The following COPB1 variants were observed in gnomAD, a reference collection of about 807,000 sequenced individuals.
The protein encoded by COPB1 is coatomer subunit beta.
Under a neutral mutation model 108.7 loss-of-function variants are expected in COPB1, and 21 were observed. The ratio of observed to expected loss-of-function variants is 0.19; its 90% confidence interval spans 0.14 to 0.28. The LOEUF is 0.28. COPB1 is among the 10% of genes least tolerant of loss of function. The pLI is 1.00. For missense variants in COPB1, 919 were observed against 1,141.3 expected, an observed-to-expected ratio of 0.81 and a Z score of 2.81; for synonymous variants, 378 against 386.8, an observed-to-expected ratio of 0.98 and a Z score of 0.27.
chr11:14,479,456 C>T, intron 11 of COPB1, 113 bp downstream of exon 11: 1 of 978,964 alleles, frequency 1.0e-6, no homozygotes. Context: ...ACAAACTTGT[C>T]TTATTTTGGC....
At chr11:14,465,906 CAT>C (rs1456464113) in intron 17 of COPB1, among the ~76,000 whole-genome samples, 5 of 152,164 alleles carry the variant, frequency 3.3e-5, no homozygotes, top group Admixed American at 6.5e-5. Context: ...ACTTTGGTCA[CAT>C]GTGGTATCTA....
chr11:14,464,513 A>T (rs1850235134), intron 18 of COPB1, among the ~76,000 whole-genome samples: 1 of 152,124 alleles, frequency 6.6e-6, no homozygotes, highest in South Asian at 2.1e-4. Context: ...GGTCTGAGAT[A>T]CCCTTGTGCA....
At chr11:14,481,258 T>C (rs1478992244) in intron 8 of COPB1, among the ~76,000 whole-genome samples, 161 bp from the exon 9 acceptor site, 1 of 152,228 alleles carries the variant, frequency 6.6e-6, no homozygotes, top group Non-Finnish European at 1.5e-5. Context: ...GGTCTCCTGA[T>C]ACACTGCAAT....
chr11:14,471,684 G>A (rs1005110305), intron 14 of COPB1, among the ~76,000 whole-genome samples: 1 of 152,152 alleles, frequency 6.6e-6, no homozygotes, highest in Non-Finnish European at 1.5e-5. Context: ...TTGGGAGGCC[G>A]AGGTGGGCGG....
In COPB1 at chr11:14,493,719, T is replaced by A; in HGVS notation, c.414A>T (p.Pro138=). ...GATGCTCCAAACATGCACGAATAGC[T>A]GGCATTAAAGGTTCTAGCAATTCTG... ...KEAELLEPLM[P]AIRACLEHRH... is the part of the protein sequence containing the mutation. Residue 138 remains proline, a synonymous_variant, in exon 4 of 22, where the codon CCA becomes CCT. Coordinates refer to ENST00000439561, the MANE Select transcript of COPB1 (RefSeq NM_001144061.2). The A allele has an allele frequency of 6.2e-7, 1 of 1,613,970 alleles. No homozygotes were observed. The highest frequency in any genetic ancestry group is 8.5e-7 in the Non-Finnish European group (1 of 1,179,932).
At chr11:14,482,978 C>A in intron 8 of COPB1, 54 bp downstream of exon 8, 1 of 1,452,674 alleles carries the variant, frequency 6.9e-7, no homozygotes, top group East Asian at 2.3e-5. Flanking sequence ...TTGAGAATGA[C>A]CTAAATTTGA....
intron 14 of COPB1, 114 bp downstream of exon 14, chr11:14,474,381 T>C: frequency 1.1e-6 from 1 of 907,634 alleles, no homozygotes; most frequent in Non-Finnish European, 1.6e-6. Context: ...TATTAAATCA[T>C]AAACTCTTTC....
chr11:14,495,004 T>A (rs1368798831), intron 2 of COPB1, among the ~76,000 whole-genome samples: 6 of 152,198 alleles, frequency 3.9e-5, no homozygotes, highest in Non-Finnish European at 8.8e-5. Context: ...TTAGAATCTT[T>A]CTTAAGATAT....
intron 14 of COPB1, chr11:14,474,272 A>T: frequency 6.2e-6 from 2 of 323,644 alleles, no homozygotes. Flanking sequence ...TGACATTGTT[A>T]TTGTATTACT....
At chr11:14,465,413 G>A (rs1265639543) in intron 17 of COPB1, among the ~76,000 whole-genome samples, 2 of 152,046 alleles carry the variant, frequency 1.3e-5, no homozygotes, top group African/African-American at 4.8e-5. Flanking sequence ...GCTCACTACA[G>A]CCCTGATCTT....
chr11:14,472,709 C>T (rs966637198), intron 14 of COPB1, among the ~76,000 whole-genome samples: 7 of 152,234 alleles, frequency 4.6e-5, no homozygotes, highest in Non-Finnish European at 5.9e-5. Flanking sequence ...CTTGCCACAG[C>T]TTCTCCATTA....
At chr11:14,461,099 G>A (rs1450805164) in intron 19 of COPB1, 87 bp downstream of exon 19, 4 of 1,521,898 alleles carry the variant, frequency 2.6e-6, no homozygotes, top group South Asian at 2.3e-5. Context: ...ACACTTTTTA[G>A]CGAGATTAAT....
chr11:14,485,472 C>T (rs111256821), intron 7 of COPB1, among the ~76,000 whole-genome samples: 3,684 of 152,244 alleles, frequency 0.024, 173 homozygotes, highest in African/African-American at 0.083. Context: ...CAGCCACGCA[C>T]GTAACTTTTG....
rs766431319 is a variant in COPB1 at position 14,464,974 on chromosome 11, C to T, written c.2347G>A (p.Ala783Thr). 39 of 1,605,196 alleles carry T rather than the reference C, an allele frequency of 2.4e-5. No individual in the cohort carries two copies. The East Asian group carries it at 6.5e-4, about 27-fold the overall frequency. ...ACTTTGACGTTAGCTTTAATATTTG[C>T]GAAGTCATGAGGAGCAAGAGTCAAA... Reference protein sequence around the residue: ...SPLTLAPHDFANIKANVKVAS... With the variant: ...SPLTLAPHDFTNIKANVKVAS... The change falls in exon 18 of 22, where the codon GCA (alanine) becomes ACA (threonine). Residue 783 changes from alanine to threonine, a missense_variant. Around this residue, in one of 5 missense-constraint regions of COPB1, gnomAD observed 705 missense variants for 817.8 expected, o/e 0.86. Transcript: ENST00000439561.
intron 17 of COPB1, among the ~76,000 whole-genome samples, chr11:14,465,948 C>T (rs1309105398): frequency 6.6e-6 from 1 of 152,128 alleles, no homozygotes; most frequent in African/African-American, 2.4e-5. Flanking sequence ...ATACTTAGTT[C>T]TGTAATGAGG....
rs1334608540 is a variant in COPB1, at chr11:14,486,459, T to C, written c.745A>G (p.Ile249Val). Residue 249 changes from isoleucine to valine, a missense_variant, in exon 7 of 22, where the codon ATC becomes GTC. Physicochemically the swap from Ile to Val is conservative, Grantham distance 29. This residue lies in a region of COPB1 where 22 missense variants were observed against 61.0 expected (regional missense o/e 0.36). Coordinates refer to ENST00000439561, the MANE Select transcript of COPB1 (RefSeq NM_001144061.2). Reference protein sequence around the residue: ...PSERARFIRCIYNLLQSSSPA... With the variant: ...PSERARFIRCVYNLLQSSSPA... Reference sequence around the variant, plus strand: ...CTGGATGACTGTAATAAGTTATAGATGCAGCGAATAAAACGAGCTCTTTCT... The same window carrying C: ...CTGGATGACTGTAATAAGTTATAGACGCAGCGAATAAAACGAGCTCTTTCT... The C allele has an allele frequency of 3.7e-6, 6 of 1,613,988 alleles. No homozygotes were observed. The highest frequency in any genetic ancestry group is 1.6e-4 in the Middle Eastern group (1 of 6,084).
chr11:14,483,804 T>C (rs1031031423), intron 7 of COPB1, among the ~76,000 whole-genome samples: 1 of 152,192 alleles, frequency 6.6e-6, no homozygotes, highest in Non-Finnish European at 1.5e-5. Flanking sequence ...AAACCACCAT[T>C]AGAATACCAA....
At chr11:14,480,282 C>A (rs966797299) in intron 10 of COPB1, among the ~76,000 whole-genome samples, 7 of 152,056 alleles carry the variant, frequency 4.6e-5, no homozygotes, top group Admixed American at 3.9e-4. Flanking sequence ...GAATTCGATC[C>A]TCCTAAATTG....
chr11:14,483,282 CATT>C, intron 7 of COPB1, 131 bp from the exon 8 acceptor site: 1 of 506,750 alleles, frequency 2.0e-6, no homozygotes, highest in Non-Finnish European at 3.4e-6. Context: ...AAAATACACT[CATT>C]AATTAATCCC....
Sources: gnomAD v4.1 joint callset for allele counts (sites outside exome capture counted in the v4.1 genomes callset) on GRCh38, gnomAD v4.1.1 for gene constraint, gnomAD v4.1.1 regional missense constraint, MANE v1.5 for transcripts, NCBI Gene and HGNC (gene_info 2026-07-23, HGNC 2026-07-21) for gene names.